Variants in MGAT4C observed in about 807,000 individuals in gnomAD.
MGAT4C encodes the protein MGAT4 family member C.
A neutral mutation model predicts 40.1 loss-of-function variants in MGAT4C; 19 were observed. That is an observed-to-expected ratio of 0.47 (90% CI 0.33 to 0.70). MGAT4C has a LOEUF of 0.70. MGAT4C is among the 30% of genes least tolerant of loss of function. The pLI is 0.02. For missense variants in MGAT4C, 491 were observed against 563.2 expected, an observed-to-expected ratio of 0.87 and a Z score of 1.30; for synonymous variants, 181 against 187.1, an observed-to-expected ratio of 0.97 and a Z score of 0.27.
intron 2 of MGAT4C, among the ~76,000 whole-genome samples, chr12:86,583,156 T>G (rs2136436142): frequency 6.6e-6 from 1 of 151,428 alleles, no homozygotes; most frequent in East Asian, 1.9e-4. Context: ...TTCAGAAAGT[T>G]TGTGTGTTAA....
intron 4 of MGAT4C, among the ~76,000 whole-genome samples, chr12:86,286,598 T>C (rs1176260774): frequency 2.0e-5 from 3 of 152,104 alleles, no homozygotes; most frequent in Non-Finnish European, 4.4e-5. Flanking sequence ...TTTTAAATTT[T>C]ATTTTAGGTG....
chr12:86,477,075 C>A (rs1044258028), intron 2 of MGAT4C, among the ~76,000 whole-genome samples: 2 of 150,616 alleles, frequency 1.3e-5, no homozygotes, highest in Admixed American at 1.3e-4. Context: ...CCCCTGAATC[C>A]AAAATGAAAA....
chr12:86,428,175 A>G (rs749622937), intron 3 of MGAT4C, among the ~76,000 whole-genome samples: 5 of 152,200 alleles, frequency 3.3e-5, no homozygotes, highest in Non-Finnish European at 7.3e-5. Flanking sequence ...ATTTATTTAG[A>G]TTATTTCATT....
At chr12:86,275,832 T>C (rs1012065905) in intron 4 of MGAT4C, among the ~76,000 whole-genome samples, 1 of 150,034 alleles carries the variant, frequency 6.7e-6, no homozygotes, top group Admixed American at 6.7e-5. Flanking sequence ...CTGGGCGCGG[T>C]GGCTCACGCC....
At chr12:86,564,938 G>A (rs1960025481) in intron 2 of MGAT4C, among the ~76,000 whole-genome samples, 1 of 152,150 alleles carries the variant, frequency 6.6e-6, no homozygotes, top group Non-Finnish European at 1.5e-5. Context: ...GGCAGAGAGG[G>A]ATGCTGTTTG....
At chr12:86,376,844 C>CAGAG (rs71076192) in intron 3 of MGAT4C, among the ~76,000 whole-genome samples, 66 of 103,160 alleles carry the variant, frequency 6.4e-4, no homozygotes, top group Non-Finnish European at 9.5e-4. Context: ...GAGAGAGAGA[C>CAGAG]AGAGAGAGAG....
chr12:86,136,403 A>G (rs1421195297), intron 1 of MGAT4C, among the ~76,000 whole-genome samples: 1 of 152,114 alleles, frequency 6.6e-6, no homozygotes, highest in African/African-American at 2.4e-5. Context: ...GGAGATGGAG[A>G]ATAATGGAGG....
At chr12:86,463,699 C>A (rs1014272539) in intron 2 of MGAT4C, among the ~76,000 whole-genome samples, 1 of 152,024 alleles carries the variant, frequency 6.6e-6, no homozygotes, top group Non-Finnish European at 1.5e-5. Flanking sequence ...GCTTAACACC[C>A]ATTATGTGCA....
chr12:86,559,558 TG>T (rs1485698281), intron 2 of MGAT4C, among the ~76,000 whole-genome samples: 4 of 151,808 alleles, frequency 2.6e-5, no homozygotes, highest in Admixed American at 2.0e-4. Flanking sequence ...GAACAACCAA[TG>T]GGTTAATGAA....
At position 85,959,938 on chromosome 12, in the gene MGAT4C, C is replaced by G. The variant is rs1883021832; in HGVS notation, c.*19351G>C. The stretch of plus-strand genomic sequence containing the variant: ...ATTTAGATCAAGGTCAGTTTTTTTA[C>G]TCCTCTGTAGAACTGTGAAGATAAT... On this transcript the variant is annotated 3_prime_UTR_variant, in exon 5 of 5. Transcript: ENST00000611864. 6.6e-6 allele frequency: 1 copy of G among 151,804 alleles called. No individual in the cohort carries two copies. Among genetic ancestry groups the G allele is most frequent in the Admixed American group, 6.6e-5 (1 of 15,210 alleles). 9.4% of individuals were successfully genotyped at this position (151,804 alleles called of 1,614,324 possible). A position where few individuals can be genotyped will look rare whatever the true frequency, so the allele number is the denominator to read the frequency against.
intron 2 of MGAT4C, among the ~76,000 whole-genome samples, chr12:86,436,575 A>G (rs554404505): frequency 6.6e-6 from 1 of 151,908 alleles, no homozygotes; most frequent in South Asian, 2.1e-4. Flanking sequence ...AGACAGCATT[A>G]TTATTCTCCA....
chr12:86,807,630 C>G (rs934981156), intron 1 of MGAT4C, among the ~76,000 whole-genome samples: 2 of 151,994 alleles, frequency 1.3e-5, no homozygotes, highest in Non-Finnish European at 2.9e-5. Context: ...TATTCCTTTG[C>G]ATATATAACC....
chr12:86,364,988 A>G (rs551031650), intron 3 of MGAT4C, among the ~76,000 whole-genome samples: 2 of 152,246 alleles, frequency 1.3e-5, no homozygotes, highest in East Asian at 1.9e-4. Flanking sequence ...AGAGCAGACA[A>G]CTGGTCTGAC....
rs533505418 is a variant in MGAT4C, at chr12:86,704,734, C to T, written c.-229+22475G>A. On this transcript the variant is annotated intron_variant, in intron 2 of 7. Coordinates refer to the MGAT4C transcript ENST00000548651. Reference sequence around the variant, plus strand: ...TGTAGTAAAATTAATTTTCTTGCCTCAAGTCACTATAGGGCAGAATTTTGA... The same window carrying T: ...TGTAGTAAAATTAATTTTCTTGCCTTAAGTCACTATAGGGCAGAATTTTGA... Among the ~76,000 whole-genome samples, 5 of 152,170 alleles carry T rather than the reference C, an allele frequency of 3.3e-5. No homozygotes were observed. In the South Asian group the frequency reaches 1.0e-3, roughly 32 times the overall value.
At chr12:86,565,180 G>A (rs1187066693) in intron 2 of MGAT4C, among the ~76,000 whole-genome samples, 1 of 152,058 alleles carries the variant, frequency 6.6e-6, no homozygotes, top group African/African-American at 2.4e-5. Context: ...CATAAAGTTG[G>A]GTGTGCACAG....
intron 1 of MGAT4C, among the ~76,000 whole-genome samples, chr12:86,161,361 C>T (rs1000171452): frequency 6.6e-6 from 1 of 152,032 alleles, no homozygotes; most frequent in Non-Finnish European, 1.5e-5. Context: ...AAGCCACACA[C>T]CTACAACCAT....
At chr12:86,019,582 T>A (rs1209806874) in intron 2 of MGAT4C, among the ~76,000 whole-genome samples, 1 of 152,212 alleles carries the variant, frequency 6.6e-6, no homozygotes, top group Non-Finnish European at 1.5e-5. Context: ...CATGCTGTTT[T>A]GGTTACTGTA....
chr12:86,651,942 T>C (rs1025331247), intron 2 of MGAT4C, among the ~76,000 whole-genome samples: 2 of 151,936 alleles, frequency 1.3e-5, no homozygotes, highest in African/African-American at 4.8e-5. Flanking sequence ...TATTTGAGAC[T>C]GTGACGTAAT....
At chr12:86,023,406 T>G (rs1404760780) in intron 2 of MGAT4C, among the ~76,000 whole-genome samples, 2 of 130,810 alleles carry the variant, frequency 1.5e-5, no homozygotes, top group Non-Finnish European at 3.7e-5. Flanking sequence ...GTGACTGCAG[T>G]TTTTTTTCTT....
Sources: allele counts gnomAD v4.1 joint callset (sites outside exome capture counted in the v4.1 genomes callset), GRCh38; gene constraint gnomAD v4.1.1; transcripts MANE v1.5; gene names NCBI Gene and HGNC (gene_info 2026-07-23, HGNC 2026-07-21).